The following TNFRSF10B variants were observed in gnomAD, a reference collection of about 807,000 sequenced individuals.
The protein encoded by TNFRSF10B is tumor necrosis factor receptor superfamily member 10B.
In TNFRSF10B, 35 loss-of-function variants were observed where a neutral mutation model predicts 41.4. That is an observed-to-expected ratio of 0.85 (90% CI 0.65 to 1.12). TNFRSF10B has a LOEUF of 1.12. Ranked by LOEUF, TNFRSF10B falls within the 50% of genes most tolerant of loss-of-function variation. TNFRSF10B has a pLI of 0.00. For missense variants in TNFRSF10B, 584 were observed against 552.7 expected, an observed-to-expected ratio of 1.06 and a Z score of -0.57; for synonymous variants, 230 against 215.5, an observed-to-expected ratio of 1.07 and a Z score of -0.59.
chr8:23,033,805 G>C (rs562541521), intron 2 of TNFRSF10B, among the ~76,000 whole-genome samples: 1 of 151,762 alleles, frequency 6.6e-6, no homozygotes, highest in South Asian at 2.1e-4. Context: ...CACCAGAAGA[G>C]GGGGGGAGAG....
chr8:23,050,624 T>C (rs929041240), intron 1 of TNFRSF10B, among the ~76,000 whole-genome samples: 26 of 152,204 alleles, frequency 1.7e-4, no homozygotes, highest in African/African-American at 6.0e-4. Flanking sequence ...GAAGCTACTC[T>C]GGGGTTTTAA....
chr8:23,035,771 A>C (rs1176397186), intron 2 of TNFRSF10B, among the ~76,000 whole-genome samples: 1 of 152,212 alleles, frequency 6.6e-6, no homozygotes, highest in South Asian at 2.1e-4. Flanking sequence ...CAAGAAAATG[A>C]CACAATGCCT....
chr8:23,047,183 C>A (rs951246010), intron 1 of TNFRSF10B, among the ~76,000 whole-genome samples: 15 of 151,936 alleles, frequency 9.9e-5, no homozygotes, highest in Non-Finnish European at 2.2e-4. Context: ...CATGGAGAAA[C>A]CCCATCTCTA....
intron 1 of TNFRSF10B, among the ~76,000 whole-genome samples, chr8:23,058,233 C>A (rs1041983468): frequency 6.6e-6 from 1 of 152,000 alleles, no homozygotes; most frequent in African/African-American, 2.4e-5. Flanking sequence ...GGTAATAGAC[C>A]AAGACTCTGT....
At position 23,051,765 on chromosome 8, in the gene TNFRSF10B, C is replaced by A. The variant is rs1047917651; in HGVS notation, c.145-8522G>T. The stretch of plus-strand genomic sequence containing the variant: ...TCATCATGTTAGCCAGGATGGTCTC[C>A]ATCTCCTGACCTTCTGATCCGCCCA... On this transcript the variant is annotated intron_variant, in intron 1 of 8. Transcript: ENST00000276431. 7.2e-5 allele frequency among the ~76,000 whole-genome samples: 11 copies of A among 151,934 alleles called. No homozygotes were observed. The East Asian group carries it at 1.5e-3, about 21-fold the overall frequency.
At chr8:23,028,035 T>C (rs1307012095) in intron 5 of TNFRSF10B, 13 of 598,018 alleles carry the variant, frequency 2.2e-5, no homozygotes, top group Non-Finnish European at 2.1e-5. Flanking sequence ...TGTCACCCAG[T>C]TGAGGAGCCG....
intron 2 of TNFRSF10B, among the ~76,000 whole-genome samples, chr8:23,031,915 T>A (rs867017616): frequency 0.018 from 2,693 of 150,930 alleles, 38 homozygotes; most frequent in Non-Finnish European, 0.027. Context: ...CAGTAGCATT[T>A]TTTTTTTTTT....
intron 2 of TNFRSF10B, among the ~76,000 whole-genome samples, chr8:23,041,843 C>G (rs541067983): frequency 6.6e-6 from 1 of 152,282 alleles, no homozygotes; most frequent in African/African-American, 2.4e-5. Context: ...CTGCTCAGCC[C>G]ATTGCAGTCC....
At chr8:23,029,500 C>G (rs6420148) in intron 4 of TNFRSF10B, 110 bp downstream of exon 4, 963,209 of 1,081,346 alleles carry the variant, frequency 0.89, 430,888 homozygotes, top group East Asian at 0.98. Flanking sequence ...GCAGCCACAG[C>G]CTCAAGGATG....
intron 2 of TNFRSF10B, among the ~76,000 whole-genome samples, chr8:23,040,289 T>A (rs191425953): frequency 0.54 from 35,501 of 65,480 alleles, 13,446 homozygotes; most frequent in East Asian, 0.85. Context: ...TATATATTTA[T>A]TAAATATATA....
chr8:23,027,730 C>G lies in TNFRSF10B; in HGVS notation c.772G>C (p.Val258Leu). The G allele has an allele frequency of 6.2e-7, 1 of 1,614,116 alleles. No homozygotes were observed. Among genetic ancestry groups the G allele is most frequent in the Non-Finnish European group, 8.5e-7 (1 of 1,180,020 alleles). ...TGGAGAAATCAACTCACTCTGTCCA[C>G]ACGCTCAGGGTCCCCACCACCACCT... is the stretch of plus-strand genomic sequence containing the variant. Reference protein sequence around the residue: ...CSGGGGDPERVDRSSQRPGAE... With the variant: ...CSGGGGDPERLDRSSQRPGAE... Residue 258 changes from valine (V) to leucine (L), a missense_variant, in exon 6 of 9, where the codon GTG becomes CTG. Coordinates refer to ENST00000276431, the MANE Select transcript of TNFRSF10B (RefSeq NM_003842.5).
At chr8:23,056,389 C>T (rs1053998602) in intron 1 of TNFRSF10B, among the ~76,000 whole-genome samples, 10 of 152,138 alleles carry the variant, frequency 6.6e-5, no homozygotes, top group African/African-American at 1.9e-4. Flanking sequence ...GTGTGGCTCA[C>T]GCCTGTAATC....
chr8:23,056,237 T>C (rs1049634770), intron 1 of TNFRSF10B, among the ~76,000 whole-genome samples: 7 of 152,218 alleles, frequency 4.6e-5, no homozygotes, highest in African/African-American at 1.7e-4. Context: ...TATAGAGTCA[T>C]CAGCTTTAAA....
chr8:23,047,037 T>C (rs1308162920), intron 1 of TNFRSF10B, among the ~76,000 whole-genome samples: 1 of 152,126 alleles, frequency 6.6e-6, no homozygotes, highest in Non-Finnish European at 1.5e-5. Flanking sequence ...CTACACAACA[T>C]TTATCTGGGC....
At chr8:23,027,668 C>T in intron 6 of TNFRSF10B, 54 bp downstream of exon 6, 2 of 1,613,082 alleles carry the variant, frequency 1.2e-6, no homozygotes, top group South Asian at 1.1e-5. Context: ...TCTGCTGTCC[C>T]AGGAAGCAGT....
At chr8:23,043,358 T>C in intron 1 of TNFRSF10B, 115 bp from the exon 2 acceptor site, 1 of 768,516 alleles carries the variant, frequency 1.3e-6, no homozygotes, top group African/African-American at 1.7e-5. Flanking sequence ...CTCATCTTTC[T>C]TGCAGCTCTC....
At chr8:23,048,849 GC>G (rs1812439067) in intron 1 of TNFRSF10B, among the ~76,000 whole-genome samples, 2 of 152,230 alleles carry the variant, frequency 1.3e-5, no homozygotes, top group East Asian at 3.9e-4. Flanking sequence ...CAGTCCTCCT[GC>G]CTCAGCCTCT....
intron 1 of TNFRSF10B, among the ~76,000 whole-genome samples, chr8:23,066,655 C>T (rs1812989902): frequency 2.0e-5 from 3 of 152,028 alleles, no homozygotes; most frequent in Admixed American, 2.0e-4. Context: ...CCCCTGTAAT[C>T]CCAGCATTTT....
At position 23,028,505 on chromosome 8, in the gene TNFRSF10B, G is replaced by T. The variant is rs930707425; in HGVS notation, c.574C>A (p.Pro192Thr). 2 of 1,613,916 alleles carry T rather than the reference G, an allele frequency of 1.2e-6. No homozygotes were observed. Among genetic ancestry groups the T allele is most frequent in the African/African-American group, 2.7e-5 (2 of 74,864 alleles). Residue 192 changes from proline to threonine, a missense_variant, in exon 5 of 9, where the codon CCA becomes ACA. By Grantham distance (38) the Pro-to-Thr change is conservative. Coordinates refer to ENST00000276431, the MANE Select transcript of TNFRSF10B (RefSeq NM_003842.5). The part of the protein sequence containing the change: ...ESGTKHSGEV[P>T]AVEETVTSSP... ...GAGGTCACCGTCTCCTCCACAGCTG[G>T]GACTTCCCCACTGTGCTTTGTACCT...
Sources: allele counts gnomAD v4.1 joint callset (sites outside exome capture counted in the v4.1 genomes callset), GRCh38; gene constraint gnomAD v4.1.1; transcripts MANE v1.5; gene names NCBI Gene and HGNC (gene_info 2026-07-23, HGNC 2026-07-21).